Variants in PRPF4 observed in about 807,000 individuals in gnomAD.
PRPF4 encodes pre-mRNA splicing tri-snRNP complex factor PRPF4, also known as U4/U6 small nuclear ribonucleoprotein Prp4.
In PRPF4, 14 loss-of-function variants were observed where a neutral mutation model predicts 72.2. The ratio of observed to expected loss-of-function variants is 0.19; its 90% CI spans 0.13 to 0.30. The LOEUF is 0.30. Among genes scored for constraint, PRPF4 ranks in the 10% least tolerant of loss-of-function variants. PRPF4 has a pLI of 1.00. For synonymous variants in PRPF4, 225 were observed against 232.2 expected (o/e 0.97, Z 0.28); for missense variants, 478 against 653.9 (o/e 0.73, Z 2.93).
intron 3 of PRPF4, among the ~76,000 whole-genome samples, chr9:113,282,147 G>A (rs560454664): frequency 2.0e-5 from 3 of 152,302 alleles, no homozygotes; most frequent in Non-Finnish European, 2.9e-5. Flanking sequence ...ACCACACTGG[G>A]AGTTTAGCCA....
chr9:113,282,146 G>A (rs1832300297), intron 3 of PRPF4, among the ~76,000 whole-genome samples: 1 of 152,144 alleles, frequency 6.6e-6, no homozygotes, highest in African/African-American at 2.4e-5. Flanking sequence ...AACCACACTG[G>A]GAGTTTAGCC....
At chr9:113,279,335 TTTTTG>T (rs148026338) in intron 3 of PRPF4, among the ~76,000 whole-genome samples, 13,635 of 150,208 alleles carry the variant, frequency 0.091, 736 homozygotes, top group African/African-American at 0.14. Context: ...TGTTTGTTCG[TTTTTG>T]TTTTGTTTTG....
chr9:113,284,471 A>G (rs192236685), intron 7 of PRPF4, 82 bp downstream of exon 7: 13 of 1,142,752 alleles, frequency 1.1e-5, no homozygotes, highest in South Asian at 5.0e-5. Flanking sequence ...TTAGACGTCT[A>G]TTTCTACGTC....
rs547013079 is a variant in PRPF4 at position 113,284,466 on chromosome 9, C to T, written c.749+77C>T. On this transcript the variant is annotated intron_variant, in intron 7 of 13. Coordinates refer to ENST00000374198, the MANE Select transcript of PRPF4 (RefSeq NM_001244926.2). ...GAAGAAAATTAGCATTTGCGTTAGA[C>T]GTCTATTTCTACGTCCTCTTTCTCT... The T allele has an allele frequency of 5.0e-5, 62 of 1,229,502 alleles. No individual in the cohort carries two copies. In the East Asian group the frequency reaches 1.2e-3, roughly 23 times the overall value. 76.2% of individuals were successfully genotyped at this position (1,229,502 alleles called of 1,614,324 possible). A position where few individuals can be genotyped will look rare whatever the true frequency, so the allele number is the denominator to read the frequency against.
At position 113,291,501 on chromosome 9, in the gene PRPF4, T is replaced by C; in HGVS notation, c.1407T>C (p.Tyr469=). ...GGAACTTCTTGCTTACTGGTGCCTA[T>C]GATAACACAGCCAAGATCTGGACGC... ...IHGNFLLTGA[Y]DNTAKIWTHP... is the part of the protein sequence containing the mutation. The change falls in exon 14 of 14, where the codon TAT becomes TAC. Residue 469 remains tyrosine, a synonymous_variant. Transcript: ENST00000374198. 6.2e-7 allele frequency: 1 copy of C among 1,614,176 alleles called. No individual in the cohort carries two copies. The highest frequency in any genetic ancestry group is 8.5e-7 in the Non-Finnish European group (1 of 1,180,006).
intron 11 of PRPF4, 46 bp from the exon 12 acceptor site, chr9:113,290,654 A>G (rs1832583413): frequency 6.2e-7 from 1 of 1,613,982 alleles, no homozygotes; most frequent in South Asian, 1.1e-5. Flanking sequence ...ACCTGCTTCC[A>G]CAGAGAACTG....
At chr9:113,277,617 C>G (rs1031850333) in intron 2 of PRPF4, among the ~76,000 whole-genome samples, 1 of 152,078 alleles carries the variant, frequency 6.6e-6, no homozygotes, top group Non-Finnish European at 1.5e-5. Context: ...AACTCCTGAC[C>G]TCAAATGATC....
At position 113,275,676 on chromosome 9, in the gene PRPF4, G is replaced by A. The variant is rs1832064076; in HGVS notation, c.-68G>A. On this transcript the variant is annotated 5_prime_UTR_variant, in exon 1 of 14. Transcript: ENST00000374198. ...CAGTGACGCACTTCCCCTCTGCTGG[G>A]CGCGCGGTGGACGGTCTGAAAGGGA... The A allele has an allele frequency of 1.3e-6, 2 of 1,557,668 alleles. No homozygotes were observed. The highest frequency in any genetic ancestry group is 2.3e-5 in the South Asian group (2 of 85,970).
chr9:113,287,058 C>CA (rs375183276), intron 9 of PRPF4, among the ~76,000 whole-genome samples: 26 of 145,082 alleles, frequency 1.8e-4, no homozygotes, highest in East Asian at 5.9e-4. Context: ...CTTGAAAGAA[C>CA]AAAAAAAAAA....
At chr9:113,280,268 T>C (rs1483259703) in intron 3 of PRPF4, among the ~76,000 whole-genome samples, 1 of 152,130 alleles carries the variant, frequency 6.6e-6, no homozygotes, top group Non-Finnish European at 1.5e-5. Context: ...TCACTTACCT[T>C]CTAAACCTCT....
chr9:113,284,268 CGT>C (rs756883584), intron 6 of PRPF4, 25 bp from the exon 7 acceptor site: 15 of 1,495,872 alleles, frequency 1.0e-5, no homozygotes, highest in Non-Finnish European at 1.4e-5. Flanking sequence ...TAATGATCAC[CGT>C]GTGTGTATTT....
intron 2 of PRPF4, 100 bp from the exon 3 acceptor site, chr9:113,278,845 G>A: frequency 1.7e-6 from 2 of 1,173,306 alleles, no homozygotes; most frequent in South Asian, 2.8e-5. Context: ...GTAATAGACA[G>A]TTACTTTTCC....
In PRPF4 at chr9:113,276,585, C is replaced by T. The variant is rs1284495917; in HGVS notation, c.65C>T (p.Pro22Leu). 2.2e-5 allele frequency: 36 copies of T among 1,613,992 alleles called. No individual in the cohort carries two copies. Among genetic ancestry groups the T allele is most frequent in the Non-Finnish European group, 2.7e-5 (32 of 1,180,036 alleles). Residue 22 changes from proline (P) to leucine (L), a missense_variant, in exon 2 of 14, where the codon CCG becomes CTG. Coordinates refer to ENST00000374198, the MANE Select transcript of PRPF4 (RefSeq NM_001244926.2). ...KTKAPDDLVAPVVKKPHIYYG... is the reference protein window; with the variant it reads ...KTKAPDDLVALVVKKPHIYYG... ...AAAGCACCCGACGACTTAGTTGCTC[C>T]GGTCGTGAAGAAACCACACATCTAT...
Position 113,291,074 on chromosome 9 carries a change from G to A in PRPF4, c.1372+58G>A, listed in dbSNP as rs57787264. 2,261 of 1,501,264 alleles carry A rather than the reference G, an allele frequency of 1.5e-3. 17 individuals are homozygous for A. The African/African-American group carries it at 0.022, about 15-fold the overall frequency. The allele number at this position is 1,501,264 out of a possible 1,614,324, so 93.0% of individuals were successfully genotyped here. ...CACAGACAAACAGTATTGTGTTCCC[G>A]TGGAATGCAGGCCAGGCTTTAGCTT... is the stretch of plus-strand genomic sequence containing the variant. On this transcript the variant is annotated intron_variant, in intron 13 of 13. Coordinates refer to ENST00000374198, the MANE Select transcript of PRPF4 (RefSeq NM_001244926.2).
Position 113,290,886 on chromosome 9 carries a change from T to C in PRPF4, c.1254-12T>C. The C allele has an allele frequency of 6.2e-7, 1 of 1,613,634 alleles. No homozygotes were observed. The highest frequency in any genetic ancestry group is 8.5e-7 in the Non-Finnish European group (1 of 1,179,588). ...CTCTATTTCTAACTTCAATACTGCA[T>C]CCAATCCACAGCTATCACATTGCAA... On this transcript the variant is annotated splice_polypyrimidine_tract_variant and intron_variant, in intron 12 of 13. Coordinates refer to ENST00000374198, the MANE Select transcript of PRPF4 (RefSeq NM_001244926.2).
chr9:113,278,078 G>T (rs868459429), intron 2 of PRPF4, among the ~76,000 whole-genome samples: 1 of 152,168 alleles, frequency 6.6e-6, no homozygotes, highest in Non-Finnish European at 1.5e-5. Context: ...ATCTTTCTGA[G>T]AATTTTAATA....
intron 6 of PRPF4, 138 bp from the exon 7 acceptor site, chr9:113,284,157 C>G (rs1832365360): frequency 3.3e-6 from 2 of 601,988 alleles, no homozygotes; most frequent in Admixed American, 2.9e-5. Context: ...CTAACAGCAG[C>G]AACAAAACCA....
intron 10 of PRPF4, 72 bp downstream of exon 10, chr9:113,288,336 A>G (rs1832510536): frequency 7.0e-7 from 1 of 1,423,968 alleles, no homozygotes; most frequent in Non-Finnish European, 9.7e-7. Context: ...GCTATCTGCC[A>G]GGTAAATTTT....
intron 2 of PRPF4, among the ~76,000 whole-genome samples, chr9:113,278,482 C>G (rs1193568282): frequency 6.6e-6 from 1 of 152,192 alleles, no homozygotes; most frequent in East Asian, 1.9e-4. Context: ...ATCCAGAAAT[C>G]CTTATAGTTG....
Sources: allele counts gnomAD v4.1 joint callset (sites outside exome capture counted in the v4.1 genomes callset), GRCh38; gene constraint gnomAD v4.1.1; transcripts MANE v1.5; gene names NCBI Gene and HGNC (gene_info 2026-07-23, HGNC 2026-07-21).